The following C12orf75 variants were observed in gnomAD, a reference collection of about 807,000 sequenced individuals.
The protein encoded by C12orf75 is overexpressed in colon carcinoma 1 protein.
In C12orf75, 4 loss-of-function variants were observed where a neutral mutation model predicts 11.4. The observed-to-expected ratio is 0.35, with a 90% confidence interval of 0.17 to 0.80. The LOEUF (loss-of-function observed/expected upper bound fraction) is 0.80, where lower values mean the gene tolerates loss of function less well. Ranked by LOEUF, C12orf75 falls within the 30% of genes least tolerant of loss-of-function variation. The pLI is 0.52. For missense variants in C12orf75, 89 were observed against 80.4 expected (o/e 1.11, Z -0.41); for synonymous variants, 30 against 30.0 (o/e 1.00, Z 0.00).
chr12:105,353,950 T>G (rs1892745058), intron 2 of C12orf75, among the ~76,000 whole-genome samples: 1 of 152,154 alleles, frequency 6.6e-6, no homozygotes, highest in Non-Finnish European at 1.5e-5. Flanking sequence ...CATTGGCAAT[T>G]TGTTTTTGTT....
At chr12:105,369,402 T>A (rs921694496) in intron 5 of C12orf75, among the ~76,000 whole-genome samples, 1 of 152,216 alleles carries the variant, frequency 6.6e-6, no homozygotes, top group Non-Finnish European at 1.5e-5. Context: ...TTTAACTCTT[T>A]CTTTTTTTTC....
At chr12:105,347,646 T>C (rs1037892647) in intron 1 of C12orf75, among the ~76,000 whole-genome samples, 2 of 152,202 alleles carry the variant, frequency 1.3e-5, no homozygotes, top group East Asian at 3.8e-4. Context: ...CCAGATTAAG[T>C]GTGGGTCTGC....
At chr12:105,342,486 T>G (rs1275855756) in intron 1 of C12orf75, among the ~76,000 whole-genome samples, 1 of 152,232 alleles carries the variant, frequency 6.6e-6, no homozygotes, top group Non-Finnish European at 1.5e-5. Context: ...TACATTTTAT[T>G]TTCTTTATAA....
At chr12:105,333,688 G>A (rs1035733765) in intron 1 of C12orf75, among the ~76,000 whole-genome samples, 1 of 151,962 alleles carries the variant, frequency 6.6e-6, no homozygotes, top group Admixed American at 6.5e-5. Flanking sequence ...GGAATAATTC[G>A]GTGTATCTTG....
intron 5 of C12orf75, among the ~76,000 whole-genome samples, chr12:105,367,775 A>C (rs768559372): frequency 3.3e-5 from 5 of 152,188 alleles, no homozygotes; most frequent in Non-Finnish European, 7.3e-5. Flanking sequence ...TAAAACATTG[A>C]GATCTCACCC....
chr12:105,331,235 T>A (rs1592874052), intron 1 of C12orf75, among the ~76,000 whole-genome samples: 1 of 151,580 alleles, frequency 6.6e-6, no homozygotes, highest in East Asian at 2.0e-4. Context: ...GTCTCAGGGC[T>A]CTCCTGGGGG....
intron 1 of C12orf75, among the ~76,000 whole-genome samples, chr12:105,338,429 C>G (rs1892522955): frequency 6.6e-6 from 1 of 152,222 alleles, no homozygotes; most frequent in Non-Finnish European, 1.5e-5. Flanking sequence ...CCGTCTTGGC[C>G]TCCCAGAGTG....
intron 3 of C12orf75, chr12:105,366,071 T>G: frequency 1.9e-6 from 1 of 538,580 alleles, no homozygotes; most frequent in Non-Finnish European, 3.3e-6. Context: ...GTGTGCTAAT[T>G]TTCATCCTAT....
intron 2 of C12orf75, among the ~76,000 whole-genome samples, chr12:105,361,692 C>T (rs1255895221): frequency 2.6e-5 from 4 of 152,124 alleles, no homozygotes; most frequent in East Asian, 1.9e-4. Context: ...TTCTTCCTTA[C>T]GCTAAAGCTT....
rs1286874296 is a variant in C12orf75 at position 105,370,753 on chromosome 12, T to C, written c.*153T>C. The stretch of plus-strand genomic sequence containing the variant: ...TGCATTCCCCCAAATCTTAAGTGTA[T>C]ACATAAAACCCTGGGTACATATTGT... On this transcript the variant is annotated 3_prime_UTR_variant, in exon 6 of 6. Coordinates refer to ENST00000443585, the MANE Select transcript of C12orf75 (RefSeq NM_001145199.2). 4 of 457,424 alleles carry C rather than the reference T, an allele frequency of 8.7e-6. No individual in the cohort carries two copies. The highest frequency in any genetic ancestry group is 4.7e-5 in the Admixed American group (2 of 42,544). The allele number at this position is 457,424 out of a possible 1,614,324, so 28.3% of individuals were successfully genotyped here.
chr12:105,370,559 T>C (rs1871598427), intron 5 of C12orf75, 75 bp from the exon 6 acceptor site: 1 of 457,322 alleles, frequency 2.2e-6, no homozygotes, highest in African/African-American at 2.0e-5. Flanking sequence ...ACTTGTAGGC[T>C]TAAGGCTAAT....
chr12:105,338,783 C>T (rs1317650728), intron 1 of C12orf75, among the ~76,000 whole-genome samples: 1 of 152,148 alleles, frequency 6.6e-6, no homozygotes, highest in African/African-American at 2.4e-5. Flanking sequence ...CTCATGGAAA[C>T]TAATACAGTT....
rs188320663 is a variant in C12orf75 at position 105,363,864 on chromosome 12, T to C, written c.72-1943T>C. 1.2e-4 allele frequency among the ~76,000 whole-genome samples: 19 copies of C among 152,306 alleles called. No individual in the cohort carries two copies. In the East Asian group the frequency reaches 3.7e-3, roughly 29 times the overall value. On this transcript the variant is annotated intron_variant, in intron 2 of 5. Coordinates refer to ENST00000443585, the MANE Select transcript of C12orf75 (RefSeq NM_001145199.2). The stretch of plus-strand genomic sequence containing the variant: ...ATTATCATTTCCTGCCAGTTATACA[T>C]GTAAGGTTGTTGATTAATTTTATAA...
At chr12:105,367,385 A>G (rs930807706) in intron 4 of C12orf75, 87 bp from the exon 5 acceptor site, 31 of 488,720 alleles carry the variant, frequency 6.3e-5, no homozygotes, top group Non-Finnish European at 1.9e-5. Flanking sequence ...AAATACATGT[A>G]TGTCATTACT....
intron 2 of C12orf75, among the ~76,000 whole-genome samples, chr12:105,357,778 C>CTGTGTGTGTGTGTGTGTGTGTGTGTG (rs67643973): frequency 9.5e-5 from 13 of 137,336 alleles, no homozygotes; most frequent in African/African-American, 1.6e-4. Context: ...AATGTATTTT[C>CTGTGTGTGTGTGTGTGTGTGTGTGTG]TGTGTGTGTG....
chr12:105,344,407 C>G (rs1892610502), intron 1 of C12orf75, among the ~76,000 whole-genome samples: 1 of 152,190 alleles, frequency 6.6e-6, no homozygotes, highest in Non-Finnish European at 1.5e-5. Context: ...TGGCCACTCT[C>G]TTCTTCCTGT....
intron 5 of C12orf75, among the ~76,000 whole-genome samples, chr12:105,368,001 GA>G (rs1393939902): frequency 1.3e-5 from 2 of 152,172 alleles, no homozygotes; most frequent in Admixed American, 1.3e-4. Context: ...TAATCTAACT[GA>G]ACAGAGATGT....
At chr12:105,366,767 T>G in intron 4 of C12orf75, 71 bp downstream of exon 4, 1 of 927,002 alleles carries the variant, frequency 1.1e-6, no homozygotes, top group Non-Finnish European at 1.7e-6. Context: ...AGCATGAAAT[T>G]TATATTTCAG....
At chr12:105,357,813 A>T (rs202025667) in intron 2 of C12orf75, among the ~76,000 whole-genome samples, 29,065 of 118,856 alleles carry the variant, frequency 0.24, 3,243 homozygotes, top group Non-Finnish European at 0.32. Flanking sequence ...TGTGTGAGAG[A>T]GAGAGAGAGA....
Sources: gnomAD v4.1 joint callset for allele counts (sites outside exome capture counted in the v4.1 genomes callset) on GRCh38, gnomAD v4.1.1 for gene constraint, MANE v1.5 for transcripts, NCBI Gene and HGNC (gene_info 2026-07-23, HGNC 2026-07-21) for gene names.